The following ROBO2 variants were observed in gnomAD, a reference collection of about 807,000 sequenced individuals.
ROBO2 encodes the protein roundabout guidance receptor 2.
Under a neutral mutation model 160.8 loss-of-function variants are expected in ROBO2, and 53 were observed. The ratio of observed to expected loss-of-function variants is 0.33; its 90% CI spans 0.26 to 0.41. The LOEUF is 0.41. ROBO2 is among the 10% of genes least tolerant of loss of function. The pLI, the probability that ROBO2 is intolerant of heterozygous loss-of-function variation, is 1.00. For synonymous variants in ROBO2, 664 were observed against 611.7 expected, an observed-to-expected ratio of 1.09 and a Z score of -1.26; for missense variants, 1,577 against 1,722.4, an observed-to-expected ratio of 0.92 and a Z score of 1.49.
At chr3:76,518,496 G>A (rs999441315) in intron 2 of ROBO2, among the ~76,000 whole-genome samples, 4 of 152,072 alleles carry the variant, frequency 2.6e-5, no homozygotes, top group Admixed American at 2.0e-4. Context: ...GTCTCTGAAA[G>A]TTCCATACAA....
rs1221528690 is a variant in ROBO2, at chr3:77,622,189, A to G, written c.3555-38A>G. 1.9e-6 allele frequency: 3 copies of G among 1,569,454 alleles called. No individual in the cohort carries two copies. The South Asian group carries it at 3.4e-5, about 18-fold the overall frequency. On this transcript the variant is annotated intron_variant, in intron 22 of 25. Transcript: ENST00000461745. ...AATTATGATTTTGTTGCATGTTAAT[A>G]AGTTGCTTTTCTTTTTTAAATTTCA...
chr3:76,897,179 A>G (rs540377146), intron 2 of ROBO2, among the ~76,000 whole-genome samples: 3 of 152,194 alleles, frequency 2.0e-5, no homozygotes, highest in Non-Finnish European at 4.4e-5. Context: ...TGATGGATCT[A>G]TCAGTAGTTG....
At chr3:76,838,683 C>T (rs969734379) in intron 2 of ROBO2, among the ~76,000 whole-genome samples, 1 of 152,046 alleles carries the variant, frequency 6.6e-6, no homozygotes, top group Non-Finnish European at 1.5e-5. Context: ...ATTTGCTTAT[C>T]TCCATTCGTA....
intron 2 of ROBO2, among the ~76,000 whole-genome samples, chr3:76,142,725 A>T (rs1299609145): frequency 1.3e-5 from 2 of 151,986 alleles, no homozygotes; most frequent in Non-Finnish European, 2.9e-5. Flanking sequence ...AGCATGAATA[A>T]GACCTACTAT....
chr3:76,300,747 A>G (rs1353491836), intron 2 of ROBO2, among the ~76,000 whole-genome samples: 2 of 152,116 alleles, frequency 1.3e-5, no homozygotes, highest in Non-Finnish European at 2.9e-5. Flanking sequence ...AAGCAAAGAA[A>G]TTCCCTCTTC....
intron 2 of ROBO2, among the ~76,000 whole-genome samples, chr3:76,900,178 C>T (rs539860775): frequency 2.0e-5 from 3 of 152,186 alleles, no homozygotes; most frequent in South Asian, 2.1e-4. Context: ...AAGAACGGCA[C>T]GGGAAAGATC....
intron 2 of ROBO2, among the ~76,000 whole-genome samples, chr3:76,716,181 G>A (rs1310621237): frequency 1.3e-5 from 2 of 151,924 alleles, no homozygotes; most frequent in Non-Finnish European, 2.9e-5. Context: ...TATTTTATTG[G>A]CATCTGTGTA....
intron 2 of ROBO2, among the ~76,000 whole-genome samples, chr3:77,185,756 T>G (rs2081221046): frequency 6.6e-6 from 1 of 151,956 alleles, no homozygotes; most frequent in Non-Finnish European, 1.5e-5. Flanking sequence ...AGGTGCAACC[T>G]ACCCAAATGC....
intron 2 of ROBO2, among the ~76,000 whole-genome samples, chr3:76,378,007 T>C (rs947659636): frequency 6.6e-6 from 1 of 152,176 alleles, no homozygotes; most frequent in African/African-American, 2.4e-5. Context: ...CCACTCCATT[T>C]CTGTCAGTGC....
At chr3:77,560,318 G>A (rs968956354) in intron 9 of ROBO2, among the ~76,000 whole-genome samples, 4 of 151,988 alleles carry the variant, frequency 2.6e-5, no homozygotes, top group Admixed American at 6.6e-5. Context: ...AAAAGGACAA[G>A]CATGGAAAAG....
intron 2 of ROBO2, among the ~76,000 whole-genome samples, chr3:76,451,778 A>T (rs1379275684): frequency 6.6e-6 from 1 of 152,196 alleles, no homozygotes; most frequent in Non-Finnish European, 1.5e-5. Context: ...ATCATTTATG[A>T]CTAAGAAAAT....
intron 5 of ROBO2, among the ~76,000 whole-genome samples, chr3:77,515,642 T>C (rs918038987): frequency 3.3e-5 from 5 of 151,684 alleles, no homozygotes; most frequent in African/African-American, 1.2e-4. Context: ...ACTCTTTTGG[T>C]AGTATATCCC....
At chr3:77,611,236 CGCAGTGA>C (rs1384843955) in intron 21 of ROBO2, among the ~76,000 whole-genome samples, 4 of 149,970 alleles carry the variant, frequency 2.7e-5, no homozygotes, top group Non-Finnish European at 4.4e-5. Context: ...AGGCGGAATT[CGCAGTGA>C]GCCGAGATTG....
At chr3:77,626,397 C>G (rs1296093923) in intron 23 of ROBO2, among the ~76,000 whole-genome samples, 1 of 152,078 alleles carries the variant, frequency 6.6e-6, no homozygotes, top group African/African-American at 2.4e-5. Context: ...TAATAATTTT[C>G]ATTGTAATCT....
exon 1 of ROBO2, chr3:77,040,226 A>C: frequency 1.0e-6 from 1 of 986,756 alleles, no homozygotes; most frequent in African/African-American, 1.7e-5. Context: ...CCGCCTGCAA[A>C]GTGTTGCTTT....
intron 2 of ROBO2, among the ~76,000 whole-genome samples, chr3:77,144,182 A>G (rs915004759): frequency 1.3e-5 from 2 of 152,126 alleles, no homozygotes; most frequent in African/African-American, 4.8e-5. Flanking sequence ...GACTTGTTTA[A>G]CCAGTTTACT....
chr3:77,146,979 A>T (rs1456537255), intron 2 of ROBO2, among the ~76,000 whole-genome samples: 1 of 152,130 alleles, frequency 6.6e-6, no homozygotes, highest in East Asian at 1.9e-4. Context: ...AAAACAAAAA[A>T]CAAAACAAAA....
chr3:77,048,169 G>A lies in ROBO2; in HGVS notation c.61+7323G>A, dbSNP rs1437241938. On this transcript the variant is annotated intron_variant, in intron 1 of 25. Transcript: ENST00000461745. The stretch of plus-strand genomic sequence containing the variant: ...TTATTCCCTGCCTAGTATGAACAAG[G>A]AAAATAACTAGAAGAGGACTTTGCT... 2.0e-5 allele frequency among the ~76,000 whole-genome samples: 3 copies of A among 152,194 alleles called. No homozygotes were observed. The East Asian group carries it at 5.8e-4, about 29-fold the overall frequency.
chr3:76,352,671 G>A (rs2074948118), intron 2 of ROBO2, among the ~76,000 whole-genome samples: 1 of 151,902 alleles, frequency 6.6e-6, no homozygotes, highest in African/African-American at 2.4e-5. Flanking sequence ...ATGAATGATT[G>A]ATGAAGCGGC....
Sources: allele counts gnomAD v4.1 joint callset (sites outside exome capture counted in the v4.1 genomes callset), GRCh38; gene constraint gnomAD v4.1.1; transcripts MANE v1.5; gene names NCBI Gene and HGNC (gene_info 2026-07-23, HGNC 2026-07-21).